Variants in OOEP observed in about 807,000 individuals in gnomAD.
OOEP encodes the protein oocyte-expressed protein homolog.
In OOEP, 16 loss-of-function variants were observed where a neutral mutation model predicts 13.7. The observed-to-expected ratio is 1.16, with a 90% CI of 0.79 to 1.77. The LOEUF is 1.77. OOEP is among the 40% of genes most tolerant of loss of function. The pLI is 0.00. For synonymous variants in OOEP, 89 were observed against 77.1 expected, an observed-to-expected ratio of 1.15 and a Z score of -0.81; for missense variants, 195 against 193.1, an observed-to-expected ratio of 1.01 and a Z score of -0.06.
At chr6:73,375,326 G>A (rs996945370) in intron 2 of OOEP, among the ~76,000 whole-genome samples, 1 of 151,462 alleles carries the variant, frequency 6.6e-6, no homozygotes, top group Admixed American at 6.6e-5. Context: ...GCTCAGGCCT[G>A]TAATCCCAGC....
At chr6:73,393,820 AAAAC>A (rs1769388546) in intron 2 of OOEP, among the ~76,000 whole-genome samples, 1 of 152,144 alleles carries the variant, frequency 6.6e-6, no homozygotes, top group Non-Finnish European at 1.5e-5. Flanking sequence ...AAAACAAAAG[AAAAC>A]AAACAAAAAA....
Position 73,394,976 on chromosome 6 carries a change from C to G in OOEP, c.-376G>C, listed in dbSNP as rs1440659194. The G allele has an allele frequency of 1.9e-6, 3 of 1,614,146 alleles. No individual in the cohort carries two copies. In the African/African-American group the frequency reaches 4.0e-5, roughly 22 times the overall value. ...GCTAGTCGGCGAAGCTCGACAGTGT[C>G]CCGAGCGCCAGAGAGGAGGCCGGCG... On this transcript the variant is annotated 5_prime_UTR_variant, in exon 1 of 4. Transcript: ENST00000370363.
chr6:73,369,871 T>A lies in OOEP; in HGVS notation c.-79A>T. On this transcript the variant is annotated 5_prime_UTR_variant, in exon 1 of 3. Coordinates refer to ENST00000370359, the MANE Select transcript of OOEP (RefSeq NM_001080507.3). ...CCAGACCCAGGCGCGAAGCTCGGGCTCTCTTTTACCATATTCGACCCGCTC... is the reference window on the plus strand; with the variant it reads ...CCAGACCCAGGCGCGAAGCTCGGGCACTCTTTTACCATATTCGACCCGCTC... The A allele has an allele frequency of 1.5e-6, 2 of 1,373,050 alleles. No homozygotes were observed. Among genetic ancestry groups the A allele is most frequent in the Middle Eastern group, 3.7e-4 (2 of 5,346 alleles). 85.1% of individuals were successfully genotyped at this position (1,373,050 alleles called of 1,614,324 possible).
At chr6:73,376,554 C>T (rs1769142796) in intron 2 of OOEP, among the ~76,000 whole-genome samples, 1 of 151,922 alleles carries the variant, frequency 6.6e-6, no homozygotes, top group Non-Finnish European at 1.5e-5. Context: ...CTTACTGCAA[C>T]CTCCACCTCC....
At chr6:73,393,459 C>T (rs1405848843) in intron 2 of OOEP, among the ~76,000 whole-genome samples, 2 of 152,188 alleles carry the variant, frequency 1.3e-5, no homozygotes. Context: ...TGGCTTGAAG[C>T]CCTGGAGTAG....
In OOEP at chr6:73,368,835, G is replaced by A; in HGVS notation, c.399C>T (p.Asn133=). 2 of 1,613,620 alleles carry A rather than the reference G, an allele frequency of 1.2e-6. No homozygotes were observed. The highest frequency in any genetic ancestry group is 4.5e-5 in the East Asian group (2 of 44,888). Residue 133 remains asparagine, a synonymous_variant, in exon 3 of 3, where the codon AAC becomes AAT. Coordinates refer to ENST00000370359, the MANE Select transcript of OOEP (RefSeq NM_001080507.3). ...RAEKMKHLEK[N]LKAHASDPHS... ...GGGGGTCTGATGCATGGGCCTTCAA[G>A]TTCTTCTCAAGGTGTTTCATCTTCT...
upstream of OOEP, among the ~76,000 whole-genome samples, chr6:73,372,908 C>CTT (rs371058661): frequency 0.02 from 2,728 of 134,472 alleles, 190 homozygotes; most frequent in East Asian, 0.14. Flanking sequence ...TTTTTCTTTC[C>CTT]TTTTTTTTTT....
Position 73,368,617 on chromosome 6 carries a change from T to G in OOEP, c.*167A>C, listed in dbSNP as rs1768993813. 3.6e-6 allele frequency: 2 copies of G among 562,334 alleles called. No homozygotes were observed. Among genetic ancestry groups the G allele is most frequent in the Non-Finnish European group, 6.3e-6 (2 of 317,074 alleles). 34.8% of individuals were successfully genotyped at this position (562,334 alleles called of 1,614,324 possible). On this transcript the variant is annotated 3_prime_UTR_variant, in exon 3 of 3. Transcript: ENST00000370359. ...TTAATGCTTTTGGCAAAATAGCCAT[T>G]TCTTTATTAGAATAGTTCAAACTCA...
chr6:73,373,504 T>C (rs1769092926), upstream of OOEP, among the ~76,000 whole-genome samples: 2 of 152,082 alleles, frequency 1.3e-5, no homozygotes, highest in Non-Finnish European at 2.9e-5. Flanking sequence ...GCAGTCCTCC[T>C]GCCTTGGCCT....
chr6:73,385,229 C>T (rs897978070), intron 2 of OOEP, among the ~76,000 whole-genome samples: 4 of 151,724 alleles, frequency 2.6e-5, no homozygotes, highest in Admixed American at 6.6e-5. Context: ...TGCCTGTAGT[C>T]CCAGCTACTT....
chr6:73,379,909 ATC>A (rs1040326324), intron 2 of OOEP, among the ~76,000 whole-genome samples: 2 of 152,062 alleles, frequency 1.3e-5, no homozygotes, highest in African/African-American at 4.8e-5. Context: ...TCCAAATTAA[ATC>A]TGTTGCAATA....
At chr6:73,373,314 G>C, upstream of OOEP, 2 of 1,524,462 alleles carry the variant, frequency 1.3e-6, no homozygotes, top group South Asian at 1.1e-5. Context: ...AAGGAAGAGG[G>C]CTCCTTCTCT....
Position 73,369,145 on chromosome 6 carries a change from G to A in OOEP, c.370+61C>T, listed in dbSNP as rs1174646756. 19 of 1,505,118 alleles carry A rather than the reference G, an allele frequency of 1.3e-5. No homozygotes were observed. In the East Asian group the frequency reaches 2.3e-4, roughly 18 times the overall value. The allele number at this position is 1,505,118 out of a possible 1,614,324, so 93.2% of individuals were successfully genotyped here. On this transcript the variant is annotated intron_variant, in intron 2 of 2. Transcript: ENST00000370359. ...GGTTAAGGGAGGATGGAAGGAAACC[G>A]AGCAAGGCCAGTATGGTCACTCGTG...
At chr6:73,386,751 A>T (rs993350731) in intron 2 of OOEP, among the ~76,000 whole-genome samples, 2 of 151,930 alleles carry the variant, frequency 1.3e-5, no homozygotes, top group African/African-American at 2.4e-5. Flanking sequence ...GGATCACCTG[A>T]GGTCATGAGT....
rs149670270 is a variant in OOEP at position 73,377,282 on chromosome 6, C to T, written c.26-7897G>A. 3.8e-3 allele frequency among the ~76,000 whole-genome samples: 580 copies of T among 152,288 alleles called. 4 individuals carry two copies. The highest frequency in any genetic ancestry group is 0.013 in the African/African-American group (555 of 41,562). On this transcript the variant is annotated intron_variant, in intron 2 of 3. Transcript: ENST00000370363. ...ATGAGACACAAACTGGAGCCAAAAC[C>T]TCAAGACCCCTTTTAAATGTAGGCA...
At chr6:73,376,473 TTTTA>T (rs57494717) in intron 2 of OOEP, among the ~76,000 whole-genome samples, 1 of 148,924 alleles carries the variant, frequency 6.7e-6, no homozygotes, top group Non-Finnish European at 1.5e-5. Context: ...CGAAACATGA[TTTTA>T]TTTATTTATT....
chr6:73,387,594 T>G (rs1769291396), intron 2 of OOEP: 1 of 152,050 alleles, frequency 6.6e-6, no homozygotes, highest in Non-Finnish European at 1.5e-5. Context: ...TTATTTATTC[T>G]ATTGATTGAT....
At chr6:73,378,257 A>G (rs1271187333) in intron 2 of OOEP, among the ~76,000 whole-genome samples, 3 of 151,782 alleles carry the variant, frequency 2.0e-5, no homozygotes, top group Non-Finnish European at 4.4e-5. Context: ...TGTGTGCACC[A>G]TGCCCAGCTA....
intron 2 of OOEP, among the ~76,000 whole-genome samples, chr6:73,384,711 C>A (rs1300509637): frequency 6.6e-6 from 1 of 151,946 alleles, no homozygotes; most frequent in Non-Finnish European, 1.5e-5. Context: ...GCCTCAACCT[C>A]CCAGCATAGG....
Sources: gnomAD v4.1 joint callset for allele counts (sites outside exome capture counted in the v4.1 genomes callset) on GRCh38, gnomAD v4.1.1 for gene constraint, MANE v1.5 for transcripts, NCBI Gene and HGNC (gene_info 2026-07-23, HGNC 2026-07-21) for gene names.